The following LRP1B variants were observed in gnomAD, a reference collection of about 807,000 sequenced individuals.
The protein encoded by LRP1B is low-density lipoprotein receptor-related protein 1B.
Under a neutral mutation model 556.6 loss-of-function variants are expected in LRP1B, and 217 were observed. The observed-to-expected ratio is 0.39, with a 90% confidence interval of 0.35 to 0.44. LRP1B has a LOEUF of 0.44. Among genes scored for constraint, LRP1B ranks in the 20% least tolerant of loss-of-function variants. The pLI, the probability that LRP1B is intolerant of heterozygous loss-of-function variation, is 1.00. For missense variants in LRP1B, 5,053 were observed against 5,620.8 expected (o/e 0.90, Z 3.23); for synonymous variants, 2,047 against 1,865.8 (o/e 1.10, Z -2.50).
At chr2:142,105,954 C>G (rs1293954446) in intron 1 of LRP1B, among the ~76,000 whole-genome samples, 1 of 152,084 alleles carries the variant, frequency 6.6e-6, no homozygotes, top group Non-Finnish European at 1.5e-5. Context: ...TGAAGTTTCA[C>G]AGTATTTCAT....
intron 2 of LRP1B, among the ~76,000 whole-genome samples, chr2:141,531,184 T>C (rs1238201804): frequency 6.6e-6 from 1 of 152,086 alleles, no homozygotes; most frequent in East Asian, 1.9e-4. Flanking sequence ...ACTCTACAAA[T>C]AATTAACACG....
chr2:141,442,599 G>A (rs759456062), intron 3 of LRP1B, among the ~76,000 whole-genome samples: 2 of 151,806 alleles, frequency 1.3e-5, no homozygotes, highest in Non-Finnish European at 2.9e-5. Context: ...CTGCAAACAT[G>A]CCCCAGTGTG....
chr2:140,385,483 A>G (rs570506041), intron 67 of LRP1B, among the ~76,000 whole-genome samples: 7 of 152,320 alleles, frequency 4.6e-5, no homozygotes, highest in African/African-American at 2.4e-5. Context: ...TTTCACTGAA[A>G]TATGCTCATG....
intron 79 of LRP1B, 73 bp from the exon 80 acceptor site, chr2:140,325,951 T>TTATTGTATAATTAC (rs1319621876): frequency 1.1e-6 from 1 of 943,254 alleles, no homozygotes; most frequent in African/African-American, 1.6e-5. Context: ...CTTTTGCTTC[T>TTATTGTATAATTAC]TATTGTATAA....
chr2:141,283,953 T>G (rs1459093034), intron 3 of LRP1B, among the ~76,000 whole-genome samples: 2 of 152,184 alleles, frequency 1.3e-5, no homozygotes, highest in African/African-American at 2.4e-5. Flanking sequence ...TTGCTTATAC[T>G]TTTTCTTGGA....
intron 43 of LRP1B, among the ~76,000 whole-genome samples, chr2:140,544,144 GGGGTATATGTGC>G (rs1680237747): frequency 6.6e-6 from 1 of 151,546 alleles, no homozygotes; most frequent in Non-Finnish European, 1.5e-5. Flanking sequence ...TTTAAGTTCA[GGGGTATATGTGC>G]AGGTTTGTTA....
chr2:140,402,480 A>G (rs1684548958), intron 66 of LRP1B, among the ~76,000 whole-genome samples: 1 of 152,208 alleles, frequency 6.6e-6, no homozygotes, highest in Non-Finnish European at 1.5e-5. Flanking sequence ...CAGGAGGAGC[A>G]CCGCACAGAT....
intron 1 of LRP1B, among the ~76,000 whole-genome samples, chr2:142,105,491 T>C (rs1257011409): frequency 6.6e-6 from 1 of 152,148 alleles, no homozygotes; most frequent in East Asian, 1.9e-4. Flanking sequence ...AATGTAGAAT[T>C]TTGGAAAAAT....
intron 2 of LRP1B, among the ~76,000 whole-genome samples, chr2:141,482,758 A>T (rs1414709949): frequency 3.3e-5 from 5 of 152,134 alleles, no homozygotes; most frequent in African/African-American, 1.2e-4. Flanking sequence ...ACAAAAATTT[A>T]AAAACATGCA....
At chr2:141,576,243 C>T (rs893896377) in intron 2 of LRP1B, among the ~76,000 whole-genome samples, 2 of 152,146 alleles carry the variant, frequency 1.3e-5, no homozygotes, top group Non-Finnish European at 2.9e-5. Flanking sequence ...GAATACTATC[C>T]AGCCATAAAA....
chr2:140,814,398 CA>C (rs1372227563), intron 31 of LRP1B, among the ~76,000 whole-genome samples: 1 of 152,038 alleles, frequency 6.6e-6, no homozygotes, highest in Non-Finnish European at 1.5e-5. Context: ...TTTACAGATA[CA>C]AAAAATAGTA....
rs372285267 is a variant in LRP1B, at chr2:141,513,386, A to T, written c.206-32853T>A. 2.5e-4 allele frequency among the ~76,000 whole-genome samples: 38 copies of T among 152,198 alleles called. No individual in the cohort carries two copies. The East Asian group carries it at 5.2e-3, about 21-fold the overall frequency. On this transcript the variant is annotated intron_variant, in intron 2 of 90. Transcript: ENST00000389484. The stretch of plus-strand genomic sequence containing the variant: ...TCTAAATGAATGACTGTGAAAGATA[A>T]AATGTTAAATGACTTTAAAAATGTA...
intron 27 of LRP1B, among the ~76,000 whole-genome samples, chr2:140,855,275 G>A (rs371778869): frequency 3.8e-4 from 58 of 150,724 alleles, no homozygotes; most frequent in African/African-American, 1.0e-3. Flanking sequence ...GGATTGTTGC[G>A]CTAAACTCCT....
chr2:141,558,306 G>A (rs1477493018), intron 2 of LRP1B, among the ~76,000 whole-genome samples: 1 of 151,916 alleles, frequency 6.6e-6, no homozygotes, highest in South Asian at 2.1e-4. Flanking sequence ...AAGGCTGCTG[G>A]TGGGCATCTC....
At chr2:141,370,258 C>T (rs538320299) in intron 3 of LRP1B, among the ~76,000 whole-genome samples, 8 of 152,244 alleles carry the variant, frequency 5.3e-5, no homozygotes, top group African/African-American at 1.9e-4. Flanking sequence ...AATTTACATT[C>T]CCACCAACAG....
chr2:140,954,098 G>A (rs1695801261), intron 18 of LRP1B, among the ~76,000 whole-genome samples: 1 of 152,134 alleles, frequency 6.6e-6, no homozygotes, highest in Non-Finnish European at 1.5e-5. Flanking sequence ...TTAGGATTCA[G>A]TTAACAAGAT....
chr2:140,304,028 A>C (rs557602944), intron 83 of LRP1B, among the ~76,000 whole-genome samples: 1 of 152,268 alleles, frequency 6.6e-6, no homozygotes, highest in African/African-American at 2.4e-5. Flanking sequence ...CATAGTGTAT[A>C]TGTGCCACAT....
intron 1 of LRP1B, among the ~76,000 whole-genome samples, chr2:142,097,072 G>A (rs896306748): frequency 7.1e-5 from 9 of 126,514 alleles, no homozygotes; most frequent in East Asian, 2.4e-4. Flanking sequence ...AAAAAACCCC[G>A]GTTTACCAAC....
chr2:140,353,932 C>T (rs1239571064), intron 75 of LRP1B, among the ~76,000 whole-genome samples: 1 of 151,974 alleles, frequency 6.6e-6, no homozygotes, highest in Non-Finnish European at 1.5e-5. Context: ...GCAAAATCTG[C>T]ATGCCTATAT....
Sources: allele counts gnomAD v4.1 joint callset (sites outside exome capture counted in the v4.1 genomes callset), GRCh38; gene constraint gnomAD v4.1.1; transcripts MANE v1.5; gene names NCBI Gene and HGNC (gene_info 2026-07-23, HGNC 2026-07-21).